Variants in ZC3H4 observed in about 807,000 individuals in gnomAD.
ZC3H4 encodes zinc finger CCCH domain-containing protein 4.
ZC3H4 carries 13 observed loss-of-function variants against 108.3 expected under a neutral mutation model. The observed-to-expected ratio is 0.12, with a 90% confidence interval of 0.08 to 0.19. The LOEUF is 0.19. ZC3H4 is among the 10% of genes least tolerant of loss of function. The pLI, the probability that ZC3H4 is intolerant of heterozygous loss-of-function variation, is 1.00. For synonymous variants in ZC3H4, 917 were observed against 749.6 expected (o/e 1.22, Z -3.65); for missense variants, 1,734 against 1,838.8 (o/e 0.94, Z 1.04).
At chr19:47,086,978 A>T (rs1019247360) in intron 5 of ZC3H4, among the ~76,000 whole-genome samples, 4 of 129,822 alleles carry the variant, frequency 3.1e-5, no homozygotes, top group Non-Finnish European at 6.3e-5. Context: ...AGACTTAGTT[A>T]AAAAAAAAAA....
Position 47,091,880 on chromosome 19 carries a change from G to A in ZC3H4, c.493-1691C>T, listed in dbSNP as rs557014425. 3.3e-5 allele frequency among the ~76,000 whole-genome samples: 5 copies of A among 152,202 alleles called. No individual in the cohort carries two copies. In the East Asian group the frequency reaches 5.8e-4, roughly 18 times the overall value. ...TGCACTCCAGCTTGGGCGACAGAGC[G>A]AGACTCCATCTCTAAATAAATGAAT... On this transcript the variant is annotated intron_variant, in intron 4 of 14. Transcript: ENST00000253048.
chr19:47,073,332 G>A (rs1223244549), intron 11 of ZC3H4, among the ~76,000 whole-genome samples: 1 of 152,090 alleles, frequency 6.6e-6, no homozygotes, highest in African/African-American at 2.4e-5. Flanking sequence ...CACTTTGGCA[G>A]GCTGAGGTGG....
At chr19:47,073,543 G>A (rs1381232182) in intron 11 of ZC3H4, among the ~76,000 whole-genome samples, 1 of 152,202 alleles carries the variant, frequency 6.6e-6, no homozygotes, top group African/African-American at 2.4e-5. Context: ...CTGCACTCCA[G>A]CCTGAGCGAC....
intron 11 of ZC3H4, among the ~76,000 whole-genome samples, chr19:47,074,529 G>A (rs1226233533): frequency 6.6e-6 from 1 of 152,224 alleles, no homozygotes; most frequent in African/African-American, 2.4e-5. Context: ...AGGCCTGCTT[G>A]CAAGGCTAGG....
At chr19:47,083,925 T>G (rs1436274856) in intron 9 of ZC3H4, among the ~76,000 whole-genome samples, 1 of 152,082 alleles carries the variant, frequency 6.6e-6, no homozygotes, top group Non-Finnish European at 1.5e-5. Flanking sequence ...CTTCTGACAT[T>G]GAACTCTGCT....
rs2057205150 is a variant in ZC3H4, at chr19:47,066,652, C to G, written c.3616G>C (p.Ala1206Pro). 6.2e-7 allele frequency: 1 copy of G among 1,611,812 alleles called. No individual in the cohort carries two copies. The highest frequency in any genetic ancestry group is 1.7e-5 in the Admixed American group (1 of 59,914). ...CTGTCCGTGGGGGTGCCCCCATCAG[C>G]ACCGGCCTTCCCTGTCTCTGGCTGT... is the stretch of plus-strand genomic sequence containing the variant. ...LEQPETGKAG[A>P]DGGTPTDRYN... is the part of the protein sequence containing the mutation. Residue 1206 changes from alanine to proline, a missense_variant, in exon 15 of 15, where the codon GCT becomes CCT. Around this residue, in one of 9 missense-constraint regions of ZC3H4, gnomAD observed 518 missense variants for 499.6 expected, o/e 1.04. Coordinates refer to ENST00000253048, the MANE Select transcript of ZC3H4 (RefSeq NM_015168.2).
chr19:47,084,318 A>G, intron 9 of ZC3H4, 27 bp downstream of exon 9: 1 of 1,610,346 alleles, frequency 6.2e-7, no homozygotes, highest in Non-Finnish European at 8.5e-7. Flanking sequence ...GGCCTCCTAG[A>G]GGTGCCCAGC....
chr19:47,080,067 T>TG (rs1246058156), intron 11 of ZC3H4, among the ~76,000 whole-genome samples: 2 of 152,082 alleles, frequency 1.3e-5, no homozygotes, highest in Non-Finnish European at 2.9e-5. Flanking sequence ...CACTGACAGA[T>TG]GGACTCTGGA....
intron 2 of ZC3H4, among the ~76,000 whole-genome samples, chr19:47,099,454 CG>C (rs2057872722): frequency 6.7e-6 from 1 of 149,492 alleles, no homozygotes; most frequent in Non-Finnish European, 1.5e-5. Context: ...AGTGAAACTC[CG>C]TCTCAAAAAA....
chr19:47,094,362 G>A (rs1368552465), intron 3 of ZC3H4, 27 bp downstream of exon 3: 5 of 1,612,306 alleles, frequency 3.1e-6, no homozygotes, highest in African/African-American at 1.3e-5. Flanking sequence ...GCCAGGCAGT[G>A]GCAGTCCCAG....
intron 2 of ZC3H4, among the ~76,000 whole-genome samples, chr19:47,109,521 C>A (rs758192256): frequency 1.3e-5 from 2 of 152,156 alleles, no homozygotes; most frequent in Non-Finnish European, 2.9e-5. Flanking sequence ...AAGTGCAATT[C>A]ATTTTGGGCT....
intron 2 of ZC3H4, among the ~76,000 whole-genome samples, chr19:47,103,484 T>G (rs2057928867): frequency 6.6e-6 from 1 of 152,048 alleles, no homozygotes; most frequent in South Asian, 2.1e-4. Context: ...TTGTATTTTT[T>G]GTAGAGACAG....
intron 6 of ZC3H4, among the ~76,000 whole-genome samples, chr19:47,086,157 G>A (rs1289390337): frequency 1.3e-5 from 2 of 152,144 alleles, no homozygotes; most frequent in East Asian, 1.9e-4. Context: ...GTGAGCCACC[G>A]CGCCCAGCCG....
intron 14 of ZC3H4, 146 bp downstream of exon 14, chr19:47,068,946 A>T: frequency 6.7e-7 from 1 of 1,500,210 alleles, no homozygotes; most frequent in Non-Finnish European, 8.9e-7. Context: ...CAGCAGCCCC[A>T]GCCCGGCTTC....
At position 47,066,580 on chromosome 19, in the gene ZC3H4, C is replaced by A; in HGVS notation, c.3688G>T (p.Ala1230Ser). Reference protein sequence around the residue: ...RPRPKAAAAPAATTATPPPEG... With the variant: ...RPRPKAAAAPSATTATPPPEG... ...GGGGGTGGGGTGGCGGTGGTGGCAG[C>A]GGGGGCTGCAGCAGCCTTGGGCCGG... The change falls in exon 15 of 15, where the codon GCT becomes TCT. Residue 1230 changes from alanine to serine, a missense_variant. Ala to Ser is a moderately conservative substitution (Grantham distance 99). This residue lies in a region of ZC3H4 where 518 missense variants were observed against 499.6 expected (regional missense o/e 1.04). Transcript: ENST00000253048. 1 of 1,589,952 alleles carries A rather than the reference C, an allele frequency of 6.3e-7. No individual in the cohort carries two copies. Among genetic ancestry groups the A allele is most frequent in the South Asian group, 1.1e-5 (1 of 87,664 alleles).
intron 4 of ZC3H4, among the ~76,000 whole-genome samples, chr19:47,093,091 C>T (rs2057763961): frequency 1.3e-5 from 2 of 151,756 alleles, no homozygotes; most frequent in East Asian, 3.9e-4. Flanking sequence ...TGGCGGGTGC[C>T]TGTAGTCCCA....
intron 4 of ZC3H4, among the ~76,000 whole-genome samples, chr19:47,092,207 T>TAAAC (rs745600658): frequency 2.2e-4 from 34 of 151,704 alleles, no homozygotes; most frequent in Admixed American, 7.9e-4. Flanking sequence ...CCCATCTCAA[T>TAAAC]AAACAAACAA....
chr19:47,068,295 CAAGTCCAGCTG>C (rs2057256823), intron 14 of ZC3H4, among the ~76,000 whole-genome samples: 1 of 152,218 alleles, frequency 6.6e-6, no homozygotes, highest in South Asian at 2.1e-4. Context: ...CCCACTGTGG[CAAGTCCAGCTG>C]TGGGCACCTC....
Position 47,072,261 on chromosome 19 carries a change from C to T in ZC3H4, c.1802+91G>A. ...CCCACAGCTGGGGAGAGAGGCAGGA[C>T]TCTCCCACAGCCAGGCTTGCCCTAA... On this transcript the variant is annotated intron_variant, in intron 12 of 14. Transcript: ENST00000253048. The surrounding 1 kb of genome is among the most constrained non-coding windows in gnomAD (Gnocchi z 5.6). The T allele has an allele frequency of 6.9e-7, 1 of 1,450,614 alleles. No homozygotes were observed. Among genetic ancestry groups the T allele is most frequent in the Non-Finnish European group, 9.4e-7 (1 of 1,069,316 alleles). 89.9% of individuals were successfully genotyped at this position (1,450,614 alleles called of 1,614,324 possible). A position where few individuals can be genotyped will look rare whatever the true frequency, so the allele number is the denominator to read the frequency against.
Sources: allele counts gnomAD v4.1 joint callset (sites outside exome capture counted in the v4.1 genomes callset), GRCh38; gene constraint gnomAD v4.1.1; regional missense constraint gnomAD v4.1.1; non-coding constraint Gnocchi (gnomAD v3.1); transcripts MANE v1.5; gene names NCBI Gene and HGNC (gene_info 2026-07-23, HGNC 2026-07-21).